SGCD: variants seen among roughly 807,000 people sequenced by gnomAD.
SGCD encodes the protein sarcoglycan delta.
In SGCD, 18 loss-of-function variants were observed where a neutral mutation model predicts 36.6. That is an observed-to-expected ratio of 0.49 (90% CI 0.34 to 0.73). The LOEUF is 0.73. Among genes scored for constraint, SGCD ranks in the 30% least tolerant of loss-of-function variants. The pLI, the probability that SGCD is intolerant of heterozygous loss-of-function variation, is 0.01. For synonymous variants in SGCD, 133 were observed against 130.6 expected, an observed-to-expected ratio of 1.02 and a Z score of -0.12; for missense variants, 387 against 346.7, an observed-to-expected ratio of 1.12 and a Z score of -0.92.
chr5:155,947,157 T>C lies in SGCD; in HGVS notation c.-282+76733T>C, dbSNP rs80082640. Reference sequence around the variant, plus strand: ...GGGCAAATGTCTTCCCTTTAGCTACTATGGCATTGATGCTTTATTTGTATT... The same window carrying C: ...GGGCAAATGTCTTCCCTTTAGCTACCATGGCATTGATGCTTTATTTGTATT... On this transcript the variant is annotated intron_variant, in intron 1 of 9. Transcript: ENST00000517913. 8.7e-3 allele frequency among the ~76,000 whole-genome samples: 1,319 copies of C among 152,326 alleles called. 18 individuals carry two copies. The highest frequency in any genetic ancestry group is 0.03 in the African/African-American group (1,262 of 41,568).
At chr5:156,590,073 G>A (rs774142090) in intron 5 of SGCD, among the ~76,000 whole-genome samples, 2 of 152,184 alleles carry the variant, frequency 1.3e-5, no homozygotes, top group African/African-American at 2.4e-5. Context: ...GAAAAGGAAT[G>A]TATGTATGAA....
At chr5:156,391,359 C>T (rs574838483) in intron 3 of SGCD, among the ~76,000 whole-genome samples, 2 of 152,330 alleles carry the variant, frequency 1.3e-5, no homozygotes, top group South Asian at 2.1e-4. Context: ...TGATGCATTC[C>T]TCAGAACACG....
At chr5:155,742,542 A>G in the SGCD span, among the ~76,000 whole-genome samples, 8 of 152,346 alleles carry the variant, frequency 5.3e-5, no homozygotes, top group African/African-American at 1.9e-4. Flanking sequence ...GGAAGTGAGT[A>G]TCAATGTTTG....
At chr5:156,349,046 CGAA>C (rs1187973270) in intron 3 of SGCD, among the ~76,000 whole-genome samples, 1 of 151,846 alleles carries the variant, frequency 6.6e-6, no homozygotes, top group Non-Finnish European at 1.5e-5. Flanking sequence ...GATAGCTACA[CGAA>C]GAATAATGAA....
chr5:156,350,739 TCA>T (rs1460281483), intron 3 of SGCD, among the ~76,000 whole-genome samples: 1 of 152,204 alleles, frequency 6.6e-6, no homozygotes, highest in Non-Finnish European at 1.5e-5. Context: ...CCTTAGTTTA[TCA>T]CACATTGTGC....
intron 3 of SGCD, among the ~76,000 whole-genome samples, chr5:156,445,207 T>C (rs1010926326): frequency 2.0e-5 from 3 of 152,136 alleles, no homozygotes; most frequent in Non-Finnish European, 4.4e-5. Context: ...TATCTTTTCA[T>C]TGCCTTATGT....
the SGCD span, among the ~76,000 whole-genome samples, chr5:155,734,058 AT>A: frequency 3.4e-5 from 5 of 147,176 alleles, no homozygotes; most frequent in East Asian, 3.9e-4. Context: ...ATTTTATTTT[AT>A]TTTTATTTAT....
chr5:156,762,797 G>C lies in SGCD; in HGVS notation c.*3407G>C, dbSNP rs1757521813. The C allele has an allele frequency of 6.6e-6, 1 of 152,306 alleles. No individual in the cohort carries two copies. The highest frequency in any genetic ancestry group is 2.1e-4 in the South Asian group (1 of 4,832). The allele number at this position is 152,306 out of a possible 1,614,324, so 9.4% of individuals were successfully genotyped here. A position where few individuals can be genotyped will look rare whatever the true frequency, so the allele number is the denominator to read the frequency against. ...ATTACTTACTATTTAGTCCTTTACA[G>C]GCAAAGTTTCCTCACCCCTGACCTA... is the stretch of plus-strand genomic sequence containing the variant. On this transcript the variant is annotated 3_prime_UTR_variant, in exon 9 of 9. Coordinates refer to ENST00000337851, the MANE Select transcript of SGCD (RefSeq NM_000337.6).
chr5:155,939,686 C>T (rs1183281185), intron 1 of SGCD, among the ~76,000 whole-genome samples: 1 of 151,138 alleles, frequency 6.6e-6, no homozygotes, highest in African/African-American at 2.4e-5. Flanking sequence ...AATCTCATGC[C>T]CTGCAAATCA....
At chr5:156,211,916 A>G (rs1292652505) in intron 3 of SGCD, among the ~76,000 whole-genome samples, 2 of 152,030 alleles carry the variant, frequency 1.3e-5, no homozygotes, top group Non-Finnish European at 2.9e-5. Flanking sequence ...TATGTGGTCA[A>G]AGTTAATTTG....
At chr5:156,623,504 A>G (rs893374205) in intron 6 of SGCD, among the ~76,000 whole-genome samples, 2 of 152,226 alleles carry the variant, frequency 1.3e-5, no homozygotes, top group Admixed American at 6.5e-5. Flanking sequence ...AGCCCAAAGA[A>G]AAGAAGCTGA....
chr5:156,313,984 T>C (rs1003374955), intron 3 of SGCD, among the ~76,000 whole-genome samples: 8 of 152,042 alleles, frequency 5.3e-5, no homozygotes, highest in Non-Finnish European at 1.0e-4. Context: ...TTATACGTCC[T>C]GAAAATCTTA....
At chr5:155,999,380 C>A (rs562483939) in intron 1 of SGCD, among the ~76,000 whole-genome samples, 2 of 152,332 alleles carry the variant, frequency 1.3e-5, no homozygotes, top group South Asian at 4.1e-4. Flanking sequence ...CTGCCCCTCA[C>A]CCCACAGGGA....
chr5:156,072,465 C>T (rs568478517), intron 1 of SGCD, among the ~76,000 whole-genome samples: 4,360 of 151,898 alleles, frequency 0.029, 214 homozygotes, highest in African/African-American at 0.1. Context: ...GGCCCCCACT[C>T]TCTTCTGGCT....
chr5:156,458,912 T>C (rs760462694), intron 3 of SGCD, among the ~76,000 whole-genome samples: 3 of 152,216 alleles, frequency 2.0e-5, no homozygotes, highest in Non-Finnish European at 4.4e-5. Context: ...GATGCCAATT[T>C]TAACAGGGAT....
At chr5:156,373,464 G>A (rs568814204) in intron 3 of SGCD, among the ~76,000 whole-genome samples, 5 of 152,160 alleles carry the variant, frequency 3.3e-5, no homozygotes, top group Admixed American at 1.3e-4. Flanking sequence ...TGGAAAAATC[G>A]CTACATTTAA....
chr5:156,489,413 G>T (rs1447102129), intron 3 of SGCD, among the ~76,000 whole-genome samples: 1 of 151,952 alleles, frequency 6.6e-6, no homozygotes, highest in African/African-American at 2.4e-5. Flanking sequence ...TTCAACAACT[G>T]GGTAATGCAC....
At chr5:155,996,942 C>T (rs13175377) in intron 1 of SGCD, among the ~76,000 whole-genome samples, 42,721 of 150,628 alleles carry the variant, frequency 0.28, 6,203 homozygotes, top group South Asian at 0.38. Context: ...GACAGACAGA[C>T]AGATAGATAG....
intron 3 of SGCD, among the ~76,000 whole-genome samples, chr5:156,354,597 A>C (rs2127725291): frequency 6.6e-6 from 1 of 152,356 alleles, no homozygotes; most frequent in East Asian, 1.9e-4. Context: ...ATTGAGAGGA[A>C]CAATGTTAGA....
Sources: gnomAD v4.1 joint callset for allele counts (sites outside exome capture counted in the v4.1 genomes callset) on GRCh38, gnomAD v4.1.1 for gene constraint, MANE v1.5 for transcripts, NCBI Gene and HGNC (gene_info 2026-07-23, HGNC 2026-07-21) for gene names.